Variants in SRPK2 observed in about 807,000 individuals in gnomAD.
SRPK2 encodes SRSF protein kinase 2, also known as SFRS protein kinase 2.
Under a neutral mutation model 90.8 loss-of-function variants are expected in SRPK2, and 21 were observed. The ratio of observed to expected loss-of-function variants is 0.23; its 90% CI spans 0.16 to 0.33. The LOEUF (loss-of-function observed/expected upper bound fraction) is 0.33. Ranked by LOEUF, SRPK2 falls within the 10% of genes least tolerant of loss-of-function variation. The pLI, the probability that SRPK2 is intolerant of heterozygous loss-of-function variation, is 1.00. For synonymous variants in SRPK2, 288 were observed against 311.1 expected, an observed-to-expected ratio of 0.93 and a Z score of 0.78; for missense variants, 620 against 869.0, an observed-to-expected ratio of 0.71 and a Z score of 3.60.
intron 2 of SRPK2, among the ~76,000 whole-genome samples, chr7:105,380,160 T>C (rs924440454): frequency 6.6e-6 from 1 of 152,090 alleles, no homozygotes; most frequent in Admixed American, 6.6e-5. Context: ...AAGAGGGAGT[T>C]TCACTGCGTC....
intron 2 of SRPK2, among the ~76,000 whole-genome samples, chr7:105,374,219 G>A (rs188108656): frequency 3.9e-4 from 60 of 152,270 alleles, no homozygotes; most frequent in Middle Eastern, 3.4e-3. Context: ...GAGCCACCGC[G>A]CCCAGCCAGT....
chr7:105,233,314 C>T (rs1446240428), intron 2 of SRPK2, among the ~76,000 whole-genome samples: 1 of 152,080 alleles, frequency 6.6e-6, no homozygotes, highest in Non-Finnish European at 1.5e-5. Flanking sequence ...AACCTGAAAA[C>T]CTTACAAAAT....
intron 2 of SRPK2, among the ~76,000 whole-genome samples, chr7:105,285,514 T>C (rs1324146724): frequency 6.6e-6 from 1 of 152,092 alleles, no homozygotes. Context: ...GTGGTTTAGA[T>C]ATTTGTCCAC....
intron 2 of SRPK2, among the ~76,000 whole-genome samples, chr7:105,219,364 G>A (rs1380713972): frequency 1.3e-5 from 2 of 152,162 alleles, no homozygotes; most frequent in African/African-American, 2.4e-5. Flanking sequence ...GCCCTGGACA[G>A]GAATACGGAG....
chr7:105,258,328 A>G (rs1803646612), intron 2 of SRPK2, among the ~76,000 whole-genome samples: 1 of 147,940 alleles, frequency 6.8e-6, no homozygotes, highest in Non-Finnish European at 1.5e-5. Context: ...GAGACAGGAG[A>G]ATTGCTTGAA....
intron 2 of SRPK2, among the ~76,000 whole-genome samples, chr7:105,228,894 G>A (rs969375941): frequency 6.6e-6 from 1 of 152,232 alleles, no homozygotes; most frequent in African/African-American, 2.4e-5. Flanking sequence ...ATGGCAGGCT[G>A]AGTAAACAGG....
intron 2 of SRPK2, among the ~76,000 whole-genome samples, chr7:105,233,362 C>A (rs1440303966): frequency 6.6e-6 from 1 of 152,072 alleles, no homozygotes; most frequent in Non-Finnish European, 1.5e-5. Context: ...GCCTTGTTGA[C>A]CTTAGTAACA....
At chr7:105,269,974 G>C (rs1336916603) in intron 2 of SRPK2, among the ~76,000 whole-genome samples, 1 of 152,140 alleles carries the variant, frequency 6.6e-6, no homozygotes, top group Non-Finnish European at 1.5e-5. Context: ...GACCTCAATA[G>C]TTTTTTAAGC....
chr7:105,392,470 G>A (rs547599443), upstream of SRPK2, among the ~76,000 whole-genome samples: 1 of 152,224 alleles, frequency 6.6e-6, no homozygotes, highest in East Asian at 1.9e-4. Flanking sequence ...GATGATTCTT[G>A]CCTAAATCAA....
intron 2 of SRPK2, among the ~76,000 whole-genome samples, chr7:105,316,879 T>C (rs572022230): frequency 6.6e-6 from 1 of 152,208 alleles, no homozygotes; most frequent in South Asian, 2.1e-4. Flanking sequence ...TTTATCTCAT[T>C]TGCAAAAAGG....
chr7:105,367,286 AG>A (rs1819184650), intron 2 of SRPK2, among the ~76,000 whole-genome samples: 1 of 151,906 alleles, frequency 6.6e-6, no homozygotes, highest in Admixed American at 6.6e-5. Context: ...TTTTTGAGAC[AG>A]GTTCCGGCTC....
At chr7:105,141,190 C>T (rs1300202730) in intron 11 of SRPK2, among the ~76,000 whole-genome samples, 1 of 152,182 alleles carries the variant, frequency 6.6e-6, no homozygotes, top group East Asian at 1.9e-4. Context: ...ACAAAGCCAG[C>T]TTACTCGGCG....
At chr7:105,153,827 G>T (rs1286824873) in intron 7 of SRPK2, among the ~76,000 whole-genome samples, 4 of 152,166 alleles carry the variant, frequency 2.6e-5, no homozygotes, top group African/African-American at 9.7e-5. Flanking sequence ...CCAAGCAGGA[G>T]TTCTTCATTG....
chr7:105,215,234 C>T (rs1797315720), intron 2 of SRPK2, among the ~76,000 whole-genome samples: 1 of 152,066 alleles, frequency 6.6e-6, no homozygotes, highest in Non-Finnish European at 1.5e-5. Flanking sequence ...TTATAAAACT[C>T]CTAGGAAAGA....
At chr7:105,251,615 C>T (rs1432875708) in intron 2 of SRPK2, among the ~76,000 whole-genome samples, 1 of 152,218 alleles carries the variant, frequency 6.6e-6, no homozygotes, top group Non-Finnish European at 1.5e-5. Context: ...ATAACACCTA[C>T]CATCATTTAA....
rs201521648 is a variant in SRPK2 at position 105,149,393 on chromosome 7, A to T, written c.622-2735T>A. Among the ~76,000 whole-genome samples, 434 of 152,196 alleles carry T rather than the reference A, an allele frequency of 2.9e-3. 7 individuals are homozygous for T. The East Asian group carries it at 0.031, about 11-fold the overall frequency. Reference sequence around the variant, plus strand: ...TGAACTTAATTATGACATAGATTCTATTGCTCACGTGTTTGTTGCTGACCT... The same window carrying T: ...TGAACTTAATTATGACATAGATTCTTTTGCTCACGTGTTTGTTGCTGACCT... On this transcript the variant is annotated intron_variant, in intron 7 of 15. Transcript: ENST00000393651.
chr7:105,237,594 G>GA (rs1800292092), intron 2 of SRPK2, among the ~76,000 whole-genome samples: 1 of 152,084 alleles, frequency 6.6e-6, no homozygotes, highest in Non-Finnish European at 1.5e-5. Context: ...CTTCTAACTA[G>GA]AAAAATGAAA....
At chr7:105,361,057 C>A (rs1412219322) in intron 2 of SRPK2, among the ~76,000 whole-genome samples, 1 of 152,178 alleles carries the variant, frequency 6.6e-6, no homozygotes, top group Admixed American at 6.6e-5. Flanking sequence ...TTGCAGATGA[C>A]ATGATTGTCT....
At chr7:105,161,683 A>T (rs576509988) in intron 6 of SRPK2, among the ~76,000 whole-genome samples, 2 of 152,380 alleles carry the variant, frequency 1.3e-5, no homozygotes, top group South Asian at 4.1e-4. Context: ...CAGTATCTCA[A>T]GTGTCCTAAC....
Sources: allele counts gnomAD v4.1 joint callset (sites outside exome capture counted in the v4.1 genomes callset), GRCh38; gene constraint gnomAD v4.1.1; transcripts MANE v1.5; gene names NCBI Gene and HGNC (gene_info 2026-07-23, HGNC 2026-07-21).